Variants in SUGCT observed in about 807,000 individuals in gnomAD.
The protein encoded by SUGCT is succinyl-CoA:glutarate CoA-transferase.
SUGCT carries 41 observed loss-of-function variants against 55.0 expected under a neutral mutation model. The ratio of observed to expected loss-of-function variants is 0.74; its 90% CI spans 0.58 to 0.97. SUGCT has a LOEUF of 0.97. SUGCT is among the 50% of genes least tolerant of loss of function. SUGCT has a pLI of 0.00. For synonymous variants in SUGCT, 187 were observed against 200.4 expected, an observed-to-expected ratio of 0.93 and a Z score of 0.56; for missense variants, 568 against 547.8, an observed-to-expected ratio of 1.04 and a Z score of -0.37.
chr7:40,565,748 A>T (rs1796098120), intron 12 of SUGCT, among the ~76,000 whole-genome samples: 1 of 151,504 alleles, frequency 6.6e-6, no homozygotes, highest in Non-Finnish European at 1.5e-5. Context: ...AGCCTCACTG[A>T]CCCCTTTGAT....
chr7:40,146,369 T>A (rs1244659731), intron 1 of SUGCT, among the ~76,000 whole-genome samples: 1 of 152,208 alleles, frequency 6.6e-6, no homozygotes, highest in Non-Finnish European at 1.5e-5. Context: ...ATGGAGACCC[T>A]AACCCAGTGT....
intron 7 of SUGCT, among the ~76,000 whole-genome samples, chr7:40,260,010 A>G (rs1791115892): frequency 6.6e-6 from 1 of 152,148 alleles, no homozygotes. Flanking sequence ...GATATGTGGG[A>G]TATTTCATTT....
intron 11 of SUGCT, among the ~76,000 whole-genome samples, chr7:40,480,676 T>TA (rs1790980870): frequency 6.6e-6 from 1 of 152,244 alleles, no homozygotes; most frequent in East Asian, 1.9e-4. Context: ...TCTTCTTTAA[T>TA]ATTCTACATT....
intron 12 of SUGCT, among the ~76,000 whole-genome samples, chr7:40,728,375 C>T (rs943261774): frequency 7.2e-5 from 11 of 151,960 alleles, no homozygotes; most frequent in African/African-American, 2.7e-4. Flanking sequence ...AAAAATTAGC[C>T]GGGCATAGTG....
chr7:40,324,261 A>ATATATATATATATATATT (rs377215730), intron 9 of SUGCT, among the ~76,000 whole-genome samples: 5,108 of 98,844 alleles, frequency 0.052, 236 homozygotes, highest in Admixed American at 0.092. Flanking sequence ...AAATATATAT[A>ATATATATATATATATATT]TATTTATTTT....
At chr7:40,852,699 G>T (rs1049786750) in intron 13 of SUGCT, among the ~76,000 whole-genome samples, 1 of 150,716 alleles carries the variant, frequency 6.6e-6, no homozygotes, top group Non-Finnish European at 1.5e-5. Context: ...CTCAGCTTCC[G>T]ACTTAGCTTA....
chr7:40,883,847 C>CA, the SUGCT span, among the ~76,000 whole-genome samples: 3 of 152,194 alleles, frequency 2.0e-5, no homozygotes, highest in Non-Finnish European at 4.4e-5. Flanking sequence ...CTACCTACTT[C>CA]AGGGCATATC....
At chr7:40,494,409 C>A (rs1173663376) in intron 11 of SUGCT, among the ~76,000 whole-genome samples, 1 of 152,160 alleles carries the variant, frequency 6.6e-6, no homozygotes, top group Non-Finnish European at 1.5e-5. Context: ...ATGACTGGAA[C>A]AGTCATTGAA....
At chr7:40,326,468 A>T (rs1796032451) in intron 9 of SUGCT, among the ~76,000 whole-genome samples, 2 of 152,208 alleles carry the variant, frequency 1.3e-5, no homozygotes, top group Non-Finnish European at 1.5e-5. Flanking sequence ...CAGAGTAAAT[A>T]AATAAACAGA....
At chr7:40,905,705 A>AT in the SUGCT span, among the ~76,000 whole-genome samples, 5 of 149,226 alleles carry the variant, frequency 3.4e-5, no homozygotes, top group African/African-American at 7.4e-5. Context: ...ACCATTTTAA[A>AT]TTTTTTTTTT....
chr7:40,896,096 A>G, the SUGCT span, among the ~76,000 whole-genome samples: 3 of 152,318 alleles, frequency 2.0e-5, no homozygotes, highest in East Asian at 1.9e-4. Flanking sequence ...GAAAAATTCT[A>G]AAGATTCCAC....
Position 40,766,000 on chromosome 7 carries a change from C to T in SUGCT, c.1153+16503C>T, listed in dbSNP as rs114744483. ...AAGGAAATGTCAACATTCAACCTTT[C>T]GTGTGAGGTGGGAAAAGGCAAAAGT... On this transcript the variant is annotated intron_variant, in intron 13 of 13. Coordinates refer to ENST00000335693, the MANE Select transcript of SUGCT (RefSeq NM_001193313.2). Among the ~76,000 whole-genome samples the T allele has an allele frequency of 6.0e-3, 911 of 152,278 alleles. 7 individuals carry two copies. The highest frequency in any genetic ancestry group is 0.02 in the African/African-American group (846 of 41,560).
chr7:40,306,949 A>G (rs1383271055), intron 8 of SUGCT, among the ~76,000 whole-genome samples: 1 of 152,168 alleles, frequency 6.6e-6, no homozygotes, highest in Non-Finnish European at 1.5e-5. Context: ...TTTGATTCAT[A>G]TGGATTGGGA....
At chr7:40,342,907 T>C (rs1439711789) in intron 9 of SUGCT, among the ~76,000 whole-genome samples, 2 of 152,212 alleles carry the variant, frequency 1.3e-5, no homozygotes, top group Non-Finnish European at 2.9e-5. Flanking sequence ...CCTCCCAAAG[T>C]GCTGGGATTA....
intron 9 of SUGCT, among the ~76,000 whole-genome samples, chr7:40,377,187 T>TTTC (rs1467212551): frequency 7.9e-5 from 1 of 12,686 alleles, no homozygotes; most frequent in African/African-American, 1.0e-4. Flanking sequence ...TCTTTCTTTC[T>TTTC]TTCTTTCTTT....
chr7:40,144,977 A>T (rs1438906779), intron 1 of SUGCT, among the ~76,000 whole-genome samples: 18 of 151,994 alleles, frequency 1.2e-4, no homozygotes. Flanking sequence ...ATTTTTATAG[A>T]CTCTTTTTAA....
At chr7:41,003,666 A>G in the SUGCT span, among the ~76,000 whole-genome samples, 557 of 152,240 alleles carry the variant, frequency 3.7e-3, 1 homozygote, top group Middle Eastern at 0.017. Context: ...AGCCCACCCT[A>G]TAATTTGATA....
At chr7:40,308,896 G>T (rs1244163792) in intron 8 of SUGCT, among the ~76,000 whole-genome samples, 2 of 152,164 alleles carry the variant, frequency 1.3e-5, no homozygotes, top group African/African-American at 4.8e-5. Flanking sequence ...TGTAATCCCA[G>T]CTACTGGGGA....
chr7:41,036,698 GC>G, the SUGCT span, among the ~76,000 whole-genome samples: 1 of 152,154 alleles, frequency 6.6e-6, no homozygotes, highest in East Asian at 1.9e-4. Flanking sequence ...AGCTGCCACT[GC>G]TGCTTTTCTT....
Sources: gnomAD v4.1 joint callset for allele counts (sites outside exome capture counted in the v4.1 genomes callset) on GRCh38, gnomAD v4.1.1 for gene constraint, MANE v1.5 for transcripts, NCBI Gene and HGNC (gene_info 2026-07-23, HGNC 2026-07-21) for gene names.